Variants in AK5 observed in about 807,000 individuals in gnomAD.
AK5 encodes the protein adenylate kinase 5, also known as adenylate kinase isoenzyme 5.
AK5 carries 27 observed loss-of-function variants against 69.5 expected under a neutral mutation model. That is an observed-to-expected ratio of 0.39 (90% CI 0.29 to 0.54). The LOEUF (loss-of-function observed/expected upper bound fraction) is 0.54. AK5 is among the 20% of genes least tolerant of loss of function. The pLI is 0.71. For missense variants in AK5, 531 were observed against 700.4 expected, an observed-to-expected ratio of 0.76 and a Z score of 2.73; for synonymous variants, 260 against 244.4, an observed-to-expected ratio of 1.06 and a Z score of -0.60.
chr1:77,520,542 C>A (rs975597857), intron 11 of AK5, among the ~76,000 whole-genome samples: 2 of 152,196 alleles, frequency 1.3e-5, no homozygotes, highest in Non-Finnish European at 2.9e-5. Context: ...CCTGTTCCTG[C>A]CTCAGGGCCT....
intron 6 of AK5, among the ~76,000 whole-genome samples, chr1:77,355,525 AG>A: frequency 6.6e-6 from 1 of 152,262 alleles, no homozygotes; most frequent in South Asian, 2.1e-4. Context: ...CTCTCCCTGC[AG>A]TCCTGATCAA....
intron 6 of AK5, among the ~76,000 whole-genome samples, chr1:77,378,427 T>C (rs1647384204): frequency 6.6e-6 from 1 of 152,192 alleles, no homozygotes; most frequent in Non-Finnish European, 1.5e-5. Context: ...GTTCAAGTGA[T>C]TCTCTTGCCT....
At chr1:77,284,963 C>T (rs976858558) in intron 1 of AK5, among the ~76,000 whole-genome samples, 3 of 152,276 alleles carry the variant, frequency 2.0e-5, no homozygotes, top group Non-Finnish European at 2.9e-5. Context: ...AAAAAGAGGG[C>T]ATTTTGCAGA....
At chr1:77,533,359 T>TA (rs1199859453) in intron 12 of AK5, among the ~76,000 whole-genome samples, 1 of 151,614 alleles carries the variant, frequency 6.6e-6, no homozygotes, top group Non-Finnish European at 1.5e-5. Flanking sequence ...CTACTAAAAA[T>TA]ACAAAAATTA....
At chr1:77,327,753 T>C (rs1226030675) in intron 5 of AK5, among the ~76,000 whole-genome samples, 1 of 152,226 alleles carries the variant, frequency 6.6e-6, no homozygotes, top group Non-Finnish European at 1.5e-5. Flanking sequence ...GTTTGCCTAG[T>C]GTTAGCACTT....
chr1:77,319,949 CAGA>C (rs1660440133), intron 5 of AK5, among the ~76,000 whole-genome samples: 1 of 152,160 alleles, frequency 6.6e-6, no homozygotes, highest in Non-Finnish European at 1.5e-5. Context: ...GTTTATTCTA[CAGA>C]AGGTGTATTA....
chr1:77,358,015 G>GTC (rs1662627876), intron 6 of AK5, among the ~76,000 whole-genome samples: 1 of 129,226 alleles, frequency 7.7e-6, no homozygotes, highest in Non-Finnish European at 1.7e-5. Flanking sequence ...GTGTGTGTGT[G>GTC]TGTGAGAGAG....
At chr1:77,530,821 G>GC (rs914518537) in intron 12 of AK5, among the ~76,000 whole-genome samples, 149 of 152,222 alleles carry the variant, frequency 9.8e-4, no homozygotes, top group African/African-American at 3.5e-3. Flanking sequence ...GGTAAACGTG[G>GC]CCTAACCCCC....
intron 11 of AK5, among the ~76,000 whole-genome samples, chr1:77,519,638 T>C (rs1657869862): frequency 6.6e-6 from 1 of 152,256 alleles, no homozygotes; most frequent in African/African-American, 2.4e-5. Context: ...ACCCATTTTA[T>C]GTGTTATTTC....
At chr1:77,428,747 T>G (rs1284383008) in intron 8 of AK5, among the ~76,000 whole-genome samples, 1 of 151,544 alleles carries the variant, frequency 6.6e-6, no homozygotes, top group African/African-American at 2.4e-5. Flanking sequence ...ATGCTACCCC[T>G]ACCCCCTCCC....
intron 6 of AK5, among the ~76,000 whole-genome samples, chr1:77,367,569 A>ATATATATATATGT (rs1553139695): frequency 3.2e-4 from 10 of 31,620 alleles, no homozygotes; most frequent in African/African-American, 5.7e-4. Flanking sequence ...ATATATATAT[A>ATATATATATATGT]TATATATATA....
chr1:77,521,084 G>A (rs1416322212), intron 11 of AK5, among the ~76,000 whole-genome samples: 1 of 151,824 alleles, frequency 6.6e-6, no homozygotes, highest in Non-Finnish European at 1.5e-5. Context: ...TTTTAAGTCA[G>A]TAGATGTCAA....
At chr1:77,484,878 A>G (rs560663019) in intron 9 of AK5, among the ~76,000 whole-genome samples, 2 of 152,384 alleles carry the variant, frequency 1.3e-5, no homozygotes, top group East Asian at 1.9e-4. Context: ...TAAAAACTAT[A>G]TACTTAATTT....
At chr1:77,540,990 T>C (rs1015646609) in intron 13 of AK5, among the ~76,000 whole-genome samples, 2 of 151,978 alleles carry the variant, frequency 1.3e-5, no homozygotes, top group African/African-American at 4.8e-5. Flanking sequence ...CACTGCAACC[T>C]CCACCTCCTG....
chr1:77,441,758 A>G (rs1192311695), intron 8 of AK5, among the ~76,000 whole-genome samples: 3 of 152,198 alleles, frequency 2.0e-5, no homozygotes, highest in Non-Finnish European at 4.4e-5. Flanking sequence ...CCTAGAAGCA[A>G]TTGCAGTGGC....
In AK5 at chr1:77,376,439, AAAAAAAAAAAAC is replaced by A. The variant is rs1253829950; in HGVS notation, c.892-34530_892-34519del. ...ACTTCAGTGCACTCAATGCCAAAAA[AAAAAAAAAAAAC>A]AAAAAAAAAAAACATGTCTTACTTT... On this transcript the variant is annotated intron_variant, in intron 6 of 13. Transcript: ENST00000354567. Among the ~76,000 whole-genome samples the A allele has an allele frequency of 5.9e-4, 56 of 95,426 alleles. 1 individual carries two copies. The Middle Eastern group carries it at 0.014, about 25-fold the overall frequency. The allele number at this position is 95,426 out of a possible 152,430, so 62.6% of individuals were successfully genotyped here.
intron 5 of AK5, among the ~76,000 whole-genome samples, chr1:77,333,201 C>G (rs1661177067): frequency 6.6e-6 from 1 of 152,126 alleles, no homozygotes; most frequent in African/African-American, 2.4e-5. Flanking sequence ...AAAGTGTACT[C>G]TGTATCAAAC....
chr1:77,556,940 G>GC (rs1183125432), intron 13 of AK5, among the ~76,000 whole-genome samples: 5 of 151,540 alleles, frequency 3.3e-5, no homozygotes, highest in African/African-American at 7.3e-5. Context: ...ACCACCGCCC[G>GC]CCCCCCACAT....
At chr1:77,415,646 C>T (rs188899940) in intron 7 of AK5, among the ~76,000 whole-genome samples, 3 of 152,170 alleles carry the variant, frequency 2.0e-5, no homozygotes, top group Non-Finnish European at 4.4e-5. Flanking sequence ...TCCACAGCCA[C>T]CCTATGACCT....
Sources: gnomAD v4.1 joint callset for allele counts (sites outside exome capture counted in the v4.1 genomes callset) on GRCh38, gnomAD v4.1.1 for gene constraint, MANE v1.5 for transcripts, NCBI Gene and HGNC (gene_info 2026-07-23, HGNC 2026-07-21) for gene names.